The following VPS41 variants were observed in gnomAD, a reference collection of about 807,000 sequenced individuals.
The protein encoded by VPS41 is VPS41 subunit of HOPS complex.
A neutral mutation model predicts 130.9 loss-of-function variants in VPS41; 85 were observed. The observed-to-expected ratio is 0.65, with a 90% CI of 0.55 to 0.78. The LOEUF is 0.78. VPS41 is among the 30% of genes least tolerant of loss of function. The probability of loss-of-function intolerance (pLI) is 0.00; values close to 1 mark genes in which losing one functional copy is unlikely to be tolerated. For missense variants in VPS41, 874 were observed against 1,018.7 expected, an observed-to-expected ratio of 0.86 and a Z score of 1.93; for synonymous variants, 335 against 332.9, an observed-to-expected ratio of 1.01 and a Z score of -0.07.
At chr7:38,892,694 T>C (rs1008912262) in intron 2 of VPS41, among the ~76,000 whole-genome samples, 12 of 152,190 alleles carry the variant, frequency 7.9e-5, no homozygotes, top group African/African-American at 2.7e-4. Context: ...AGGTCACCAA[T>C]GGATTACAAA....
chr7:38,778,484 G>A (rs887823363), intron 10 of VPS41, among the ~76,000 whole-genome samples: 6 of 152,230 alleles, frequency 3.9e-5, no homozygotes, highest in African/African-American at 1.4e-4. Flanking sequence ...AAAGGACCCA[G>A]TGATGAAAGA....
intron 2 of VPS41, among the ~76,000 whole-genome samples, chr7:38,872,742 A>G (rs537012249): frequency 2.8e-4 from 42 of 152,344 alleles, no homozygotes; most frequent in African/African-American, 9.1e-4. Flanking sequence ...TAAAATAGCT[A>G]ATTAGCCAAG....
intron 25 of VPS41, among the ~76,000 whole-genome samples, chr7:38,730,974 G>A (rs1163016491): frequency 6.6e-6 from 1 of 152,102 alleles, no homozygotes; most frequent in Non-Finnish European, 1.5e-5. Flanking sequence ...TTTCTAAACA[G>A]GTACAATCTG....
At chr7:38,745,783 C>G in intron 22 of VPS41, 170 bp from the exon 23 acceptor site, 3 of 629,110 alleles carry the variant, frequency 4.8e-6, no homozygotes, top group Non-Finnish European at 8.4e-6. Flanking sequence ...ACTCAGTTAC[C>G]TCTCAGAGGT....
In VPS41 at chr7:38,836,900, T is replaced by C. The variant is rs191082965; in HGVS notation, c.247-6572A>G. Among the ~76,000 whole-genome samples the C allele has an allele frequency of 5.9e-4, 90 of 152,258 alleles. No homozygotes were observed. In the East Asian group the frequency reaches 0.011, roughly 19 times the overall value. On this transcript the variant is annotated intron_variant, in intron 4 of 28. Coordinates refer to ENST00000310301, the MANE Select transcript of VPS41 (RefSeq NM_014396.4). ...TCTGAAGGGTATTTGAAAATGTGTA[T>C]CAAAATTACTTAAAATATACATTAT...
chr7:38,817,749 T>C, intron 7 of VPS41, 68 bp downstream of exon 7: 15 of 1,271,804 alleles, frequency 1.2e-5, no homozygotes, highest in Non-Finnish European at 1.7e-5. Flanking sequence ...ACATTAAGGA[T>C]AAATTACAGA....
At chr7:38,901,134 A>T (rs186255680) in intron 1 of VPS41, among the ~76,000 whole-genome samples, 1 of 152,318 alleles carries the variant, frequency 6.6e-6, no homozygotes, top group African/African-American at 2.4e-5. Context: ...CAAGACACAA[A>T]AGGACAAATA....
chr7:38,865,665 T>G (rs561891926), intron 3 of VPS41, among the ~76,000 whole-genome samples: 1 of 152,166 alleles, frequency 6.6e-6, no homozygotes, highest in Non-Finnish European at 1.5e-5. Flanking sequence ...GGTAGGCTTG[T>G]AGTAAAAACC....
At chr7:38,849,669 C>T (rs1785808350) in intron 4 of VPS41, among the ~76,000 whole-genome samples, 1 of 152,202 alleles carries the variant, frequency 6.6e-6, no homozygotes. Context: ...CTCCTCTCAA[C>T]ATCCCGCTTG....
At chr7:38,794,326 C>A (rs908752396) in intron 9 of VPS41, among the ~76,000 whole-genome samples, 1 of 152,088 alleles carries the variant, frequency 6.6e-6, no homozygotes, top group Non-Finnish European at 1.5e-5. Flanking sequence ...TCATGTAACA[C>A]ATGAAGAAAA....
intron 2 of VPS41, among the ~76,000 whole-genome samples, chr7:38,880,094 G>GT (rs1298259453): frequency 6.6e-6 from 1 of 152,162 alleles, no homozygotes; most frequent in Non-Finnish European, 1.5e-5. Context: ...GAGGACTTTT[G>GT]TAAGAATTAA....
intron 7 of VPS41, among the ~76,000 whole-genome samples, chr7:38,815,667 C>T (rs573393720): frequency 7.6e-4 from 115 of 152,214 alleles, no homozygotes; most frequent in Non-Finnish European, 1.0e-3. Context: ...TCTGCATGGG[C>T]ACAATCTAAT....
chr7:38,794,596 T>C (rs1784587169), intron 9 of VPS41, among the ~76,000 whole-genome samples: 1 of 152,084 alleles, frequency 6.6e-6, no homozygotes, highest in Non-Finnish European at 1.5e-5. Flanking sequence ...CCAAAACTTG[T>C]GATGTGAGAA....
At chr7:38,746,720 A>T (rs943406176) in intron 22 of VPS41, among the ~76,000 whole-genome samples, 2 of 148,726 alleles carry the variant, frequency 1.3e-5, no homozygotes, top group African/African-American at 5.2e-5. Context: ...CGCTCCACTC[A>T]GACTTAAAGC....
chr7:38,788,143 T>C (rs1261830072), intron 10 of VPS41, among the ~76,000 whole-genome samples: 1 of 152,162 alleles, frequency 6.6e-6, no homozygotes, highest in East Asian at 1.9e-4. Context: ...CCATGTCTAA[T>C]TCCCACACCC....
At chr7:38,823,770 GA>G (rs1296387055) in intron 5 of VPS41, among the ~76,000 whole-genome samples, 2 of 152,130 alleles carry the variant, frequency 1.3e-5, no homozygotes, top group African/African-American at 4.8e-5. Context: ...AAAACAGAAG[GA>G]ATTTCATTTT....
rs150704232 is a variant in VPS41 at position 38,865,962 on chromosome 7, ATTACT to A, written c.168+3179_168+3183del. The stretch of plus-strand genomic sequence containing the variant: ...ATGATCAGGTTGAGGTTTCTGGAAG[ATTACT>A]TTAGTAGAATGTTATGAACAGACTA... On this transcript the variant is annotated intron_variant, in intron 3 of 28. Coordinates refer to ENST00000310301, the MANE Select transcript of VPS41 (RefSeq NM_014396.4). Among the ~76,000 whole-genome samples, 16 of 152,340 alleles carry A rather than the reference ATTACT, an allele frequency of 1.1e-4. No homozygotes were observed. In the East Asian group the frequency reaches 3.1e-3, roughly 29 times the overall value.
intron 4 of VPS41, among the ~76,000 whole-genome samples, chr7:38,845,731 G>C (rs1162880382): frequency 6.6e-6 from 1 of 152,168 alleles, no homozygotes; most frequent in African/African-American, 2.4e-5. Flanking sequence ...TCTCTTTCTA[G>C]TATTCACACT....
At chr7:38,783,897 A>G (rs1264548988) in intron 10 of VPS41, among the ~76,000 whole-genome samples, 2 of 152,214 alleles carry the variant, frequency 1.3e-5, no homozygotes, top group Non-Finnish European at 2.9e-5. Context: ...TTAAATCAAT[A>G]TTTTTATTAC....
Sources: gnomAD v4.1 joint callset for allele counts (sites outside exome capture counted in the v4.1 genomes callset) on GRCh38, gnomAD v4.1.1 for gene constraint, MANE v1.5 for transcripts, NCBI Gene and HGNC (gene_info 2026-07-23, HGNC 2026-07-21) for gene names.